Variants in ANKRD44 observed in about 807,000 individuals in gnomAD.
ANKRD44 encodes serine/threonine-protein phosphatase 6 regulatory ankyrin repeat subunit B.
A neutral mutation model predicts 116.0 loss-of-function variants in ANKRD44; 35 were observed. The ratio of observed to expected loss-of-function variants is 0.30; its 90% CI spans 0.23 to 0.40. The LOEUF (loss-of-function observed/expected upper bound fraction) is 0.40. ANKRD44 is among the 10% of genes least tolerant of loss of function. The probability of loss-of-function intolerance (pLI) is 1.00; values close to 1 mark genes in which losing one functional copy is unlikely to be tolerated. For missense variants in ANKRD44, 1,014 were observed against 1,242.6 expected (o/e 0.82, Z 2.77); for synonymous variants, 435 against 461.8 (o/e 0.94, Z 0.74).
chr2:197,011,097 T>C lies in ANKRD44; in HGVS notation c.1925-2066A>G, dbSNP rs923323068. On this transcript the variant is annotated intron_variant, in intron 18 of 27. Coordinates refer to ENST00000282272, the MANE Select transcript of ANKRD44 (RefSeq NM_001195144.2). ...ATATGTCGTTGCTGCTGCTGTTATG[T>C]TTTTTGTTCTTACAATTACACTAAA... Among the ~76,000 whole-genome samples the C allele has an allele frequency of 2.6e-5, 4 of 152,316 alleles. No homozygotes were observed. In the East Asian group the frequency reaches 7.7e-4, roughly 29 times the overall value.
chr2:196,981,981 T>C (rs1365319755), downstream of ANKRD44, among the ~76,000 whole-genome samples: 1 of 151,226 alleles, frequency 6.6e-6, no homozygotes, highest in African/African-American at 2.4e-5. Context: ...CCATTATGTC[T>C]TGTCTTCGCT....
chr2:197,118,154 A>G (rs930265887), intron 8 of ANKRD44, among the ~76,000 whole-genome samples: 12 of 151,686 alleles, frequency 7.9e-5, no homozygotes, highest in Non-Finnish European at 1.5e-4. Flanking sequence ...CAGAGGTTGC[A>G]GTGAGCCAAG....
intron 1 of ANKRD44, among the ~76,000 whole-genome samples, chr2:197,225,804 G>A (rs1371809961): frequency 6.6e-6 from 1 of 152,222 alleles, no homozygotes; most frequent in African/African-American, 2.4e-5. Flanking sequence ...GACTTAAAAG[G>A]TGATATGGGG....
chr2:197,225,099 T>C (rs2081671956), intron 1 of ANKRD44, among the ~76,000 whole-genome samples: 1 of 152,138 alleles, frequency 6.6e-6, no homozygotes, highest in African/African-American at 2.4e-5. Context: ...TTGGATTTAC[T>C]ATGACCCACT....
At chr2:197,111,881 T>C (rs577440574) in intron 8 of ANKRD44, among the ~76,000 whole-genome samples, 1 of 152,298 alleles carries the variant, frequency 6.6e-6, no homozygotes, top group South Asian at 2.1e-4. Flanking sequence ...TGCAACTGTT[T>C]AGGAAACTGC....
At chr2:197,228,187 G>A (rs1044043928) in intron 1 of ANKRD44, among the ~76,000 whole-genome samples, 5 of 152,288 alleles carry the variant, frequency 3.3e-5, no homozygotes, top group African/African-American at 1.2e-4. Flanking sequence ...TACATAAAGA[G>A]CTTAGCTTAG....
At chr2:196,975,817 GAAA>G (rs2075756066) in intron 21 of ANKRD44, among the ~76,000 whole-genome samples, 1 of 100,100 alleles carries the variant, frequency 1.0e-5, no homozygotes, top group Non-Finnish European at 2.1e-5. Context: ...AAAAAAGAAA[GAAA>G]GAAAGAAAGA....
chr2:196,993,544 G>A, intron 27 of ANKRD44, 39 bp downstream of exon 27: 1 of 1,482,760 alleles, frequency 6.7e-7, no homozygotes, highest in Non-Finnish European at 9.2e-7. Context: ...ACTAGCTTAT[G>A]GAAGGTACCT....
intron 11 of ANKRD44, 150 bp downstream of exon 11, chr2:197,089,800 A>ACACGCTGTCT: frequency 1.7e-6 from 1 of 597,500 alleles, no homozygotes; most frequent in Non-Finnish European, 3.0e-6. Context: ...GGGAGCTGTC[A>ACACGCTGTCT]CATGCAGTTA....
At chr2:197,177,193 G>A (rs1256143232) in intron 2 of ANKRD44, among the ~76,000 whole-genome samples, 1 of 152,038 alleles carries the variant, frequency 6.6e-6, no homozygotes, top group African/African-American at 2.4e-5. Flanking sequence ...AAATTTTTCT[G>A]ATTACGTTTT....
chr2:197,100,827 T>C (rs2078275687), intron 9 of ANKRD44, among the ~76,000 whole-genome samples: 1 of 152,224 alleles, frequency 6.6e-6, no homozygotes, highest in Admixed American at 6.5e-5. Flanking sequence ...ATTGTCATTA[T>C]GTTTTATTTT....
intron 16 of ANKRD44, among the ~76,000 whole-genome samples, chr2:197,031,636 T>G (rs1411548032): frequency 6.6e-6 from 1 of 152,228 alleles, no homozygotes; most frequent in Non-Finnish European, 1.5e-5. Context: ...AGTCAATACA[T>G]GTGGAACAAA....
intron 1 of ANKRD44, among the ~76,000 whole-genome samples, chr2:197,292,587 T>A (rs550234113): frequency 5.3e-5 from 8 of 152,314 alleles, no homozygotes; most frequent in Middle Eastern, 3.4e-3. Flanking sequence ...TCTTTCCAAC[T>A]TTGTGATGAA....
In ANKRD44 at chr2:197,310,743, C is replaced by T; in HGVS notation, c.-139G>A. ...ATTTGACAGCCCTCCCCCTGCTCCTCCTCCGCCGCCGCCTCCTCCCGCCGA... is the reference window on the plus strand; with the variant it reads ...ATTTGACAGCCCTCCCCCTGCTCCTTCTCCGCCGCCGCCTCCTCCCGCCGA... On this transcript the variant is annotated 5_prime_UTR_variant, in exon 1 of 28. Coordinates refer to ENST00000282272, the MANE Select transcript of ANKRD44 (RefSeq NM_001195144.2). 1 of 845,722 alleles carries T rather than the reference C, an allele frequency of 1.2e-6. No homozygotes were observed. Among genetic ancestry groups the T allele is most frequent in the Non-Finnish European group, 1.5e-6 (1 of 651,254 alleles). 52.4% of individuals were successfully genotyped at this position (845,722 alleles called of 1,614,324 possible).
intron 16 of ANKRD44, among the ~76,000 whole-genome samples, chr2:197,056,626 T>C (rs983042724): frequency 2.6e-5 from 4 of 152,188 alleles, no homozygotes; most frequent in African/African-American, 7.2e-5. Context: ...TAATGTTTTA[T>C]AGTTTTAATG....
chr2:197,083,954 G>C (rs2077859054), intron 13 of ANKRD44, among the ~76,000 whole-genome samples: 1 of 152,194 alleles, frequency 6.6e-6, no homozygotes, highest in South Asian at 2.1e-4. Context: ...CCTAGTTCAG[G>C]TCTATGTTAT....
At position 197,036,186 on chromosome 2, in the gene ANKRD44, G is replaced by A. The variant is rs139776354; in HGVS notation, c.1651-10919C>T. On this transcript the variant is annotated intron_variant, in intron 16 of 27. Transcript: ENST00000282272. ...ATGAATCAAACCTAATTTAGTTTCTGTCTCCCCCGACTCCAATTCCATAAG... is the reference window on the plus strand; with the variant it reads ...ATGAATCAAACCTAATTTAGTTTCTATCTCCCCCGACTCCAATTCCATAAG... Among the ~76,000 whole-genome samples, 510 of 152,196 alleles carry A rather than the reference G, an allele frequency of 3.4e-3. 11 individuals carry two copies. The highest frequency in any genetic ancestry group is 4.5e-3 in the Admixed American group (69 of 15,282).
chr2:197,089,011 GA>G (rs1162701455), intron 11 of ANKRD44: 1 of 390,914 alleles, frequency 2.6e-6, no homozygotes, highest in East Asian at 3.8e-5. Flanking sequence ...AGCCCTGGGT[GA>G]ACCACAGTCC....
chr2:197,258,107 AT>A (rs1198217678), intron 1 of ANKRD44, among the ~76,000 whole-genome samples: 2 of 150,148 alleles, frequency 1.3e-5, no homozygotes, highest in African/African-American at 4.9e-5. Flanking sequence ...TTATTTATTC[AT>A]TTATTTATTT....
Sources: gnomAD v4.1 joint callset for allele counts (sites outside exome capture counted in the v4.1 genomes callset) on GRCh38, gnomAD v4.1.1 for gene constraint, MANE v1.5 for transcripts, NCBI Gene and HGNC (gene_info 2026-07-23, HGNC 2026-07-21) for gene names.